ABCB7: variants seen among roughly 807,000 people sequenced by gnomAD.
ABCB7 encodes the protein iron-sulfur clusters transporter ABCB7, mitochondrial.
ABCB7 carries 7 observed loss-of-function variants against 54.4 expected under a neutral mutation model. That is an observed-to-expected ratio of 0.13 (90% CI 0.07 to 0.24). ABCB7 has a LOEUF of 0.24. Among genes scored for constraint, ABCB7 ranks in the 10% least tolerant of loss-of-function variants. The pLI is 1.00. For missense variants in ABCB7, 356 were observed against 570.4 expected (o/e 0.62, Z 3.83); for synonymous variants, 218 against 207.1 (o/e 1.05, Z -0.45).
chrX:75,060,440 T>G (rs1407950971), intron 14 of ABCB7, 110 bp from the exon 15 acceptor site: 3 of 559,523 alleles, frequency 5.4e-6, no homozygotes, highest in Non-Finnish European at 8.7e-6. Context: ...AAAATGCCAG[T>G]TTTTTTTTAG....
intron 1 of ABCB7, among the ~76,000 whole-genome samples, chrX:75,129,287 T>C (rs1174948102): frequency 2.7e-5 from 3 of 111,315 alleles, no homozygotes; most frequent in African/African-American, 9.8e-5. Flanking sequence ...TGAGTTAATG[T>C]CCTTTGCAGG....
At chrX:75,109,025 T>C (rs1351314217) in intron 3 of ABCB7, among the ~76,000 whole-genome samples, 2 of 111,719 alleles carry the variant, frequency 1.8e-5, no homozygotes, top group African/African-American at 3.3e-5. Context: ...TACAATGAAA[T>C]AGCACAATCA....
chrX:75,052,787 A>AC lies in ABCB7; in HGVS notation c.*582_*583insG, dbSNP rs2081205131. The AC allele has an allele frequency of 1.0e-5, 1 of 97,178 alleles. No homozygotes were observed. Among genetic ancestry groups the AC allele is most frequent in the Non-Finnish European group, 1.9e-5 (1 of 52,763 alleles). The allele number at this position is 97,178 out of a possible 1,213,427, so 8.0% of individuals were successfully genotyped here. On this transcript the variant is annotated 3_prime_UTR_variant, in exon 16 of 16. Coordinates refer to ENST00000373394, the MANE Select transcript of ABCB7 (RefSeq NM_001271696.3). ...AATGAGAATCTGTCTCAAAAAAAAA[A>AC]AACAACAAAAAACAAAAAACAACAA...
intron 1 of ABCB7, among the ~76,000 whole-genome samples, chrX:75,148,256 T>C (rs2082106544): frequency 8.9e-6 from 1 of 112,306 alleles, no homozygotes; most frequent in Non-Finnish European, 1.9e-5. Context: ...AGTTCATCAA[T>C]TGAAAAGCTT....
intron 15 of ABCB7, among the ~76,000 whole-genome samples, chrX:75,055,983 A>G (rs185636038): frequency 1.7e-4 from 19 of 110,827 alleles, no homozygotes; most frequent in Non-Finnish European, 3.2e-4. Context: ...CACCATGCCC[A>G]GCCCAAGTTA....
chrX:75,069,252 C>A, intron 11 of ABCB7, 39 bp downstream of exon 11: 2 of 1,202,365 alleles, frequency 1.7e-6, no homozygotes, highest in Non-Finnish European at 2.3e-6. Flanking sequence ...GAATCATCAG[C>A]CTATAATACA....
At chrX:75,115,636 G>A (rs1475768047) in intron 1 of ABCB7, among the ~76,000 whole-genome samples, 1 of 108,206 alleles carries the variant, frequency 9.2e-6, no homozygotes, top group Admixed American at 1.0e-4. Context: ...TTTGACAAAC[G>A]ATTCTATGTA....
intron 5 of ABCB7, among the ~76,000 whole-genome samples, chrX:75,076,302 G>A (rs2081408555): frequency 8.9e-6 from 1 of 112,169 alleles, no homozygotes; most frequent in Non-Finnish European, 1.9e-5. Context: ...TTATATTATT[G>A]TTTTCTAGAA....
chrX:75,129,099 T>C (rs1347613594), intron 1 of ABCB7, among the ~76,000 whole-genome samples: 1 of 111,904 alleles, frequency 8.9e-6, no homozygotes, highest in Non-Finnish European at 1.9e-5. Context: ...TTACTGAGTA[T>C]ATACCCAAAG....
At chrX:75,115,410 C>CTTTTTTTTTTTTTTTTT (rs747398607) in intron 1 of ABCB7, among the ~76,000 whole-genome samples, 7 of 30,186 alleles carry the variant, frequency 2.3e-4, no homozygotes, top group African/African-American at 5.4e-4. Context: ...TGTCTCTTTT[C>CTTTTTTTTTTTTTTTTT]TTTTTTTTTT....
intron 4 of ABCB7, among the ~76,000 whole-genome samples, chrX:75,090,771 A>G (rs1354007486): frequency 9.0e-6 from 1 of 111,232 alleles, no homozygotes; most frequent in African/African-American, 3.2e-5. Context: ...CAAACTACTA[A>G]CATCAGAAAT....
intron 4 of ABCB7, among the ~76,000 whole-genome samples, chrX:75,079,794 C>T (rs2081440928): frequency 9.0e-6 from 1 of 111,599 alleles, no homozygotes; most frequent in Non-Finnish European, 1.9e-5. Context: ...ACCAGCACCA[C>T]AATCAACATA....
At chrX:75,059,426 G>A (rs12389974) in intron 15 of ABCB7, among the ~76,000 whole-genome samples, 3,107 of 107,854 alleles carry the variant, frequency 0.029, 118 homozygotes, top group African/African-American at 0.1. Context: ...AGCCGAGATC[G>A]CGCCACTGTA....
At chrX:75,148,319 G>A (rs749412248) in intron 1 of ABCB7, among the ~76,000 whole-genome samples, 2 of 110,576 alleles carry the variant, frequency 1.8e-5, no homozygotes, top group East Asian at 5.7e-4. Flanking sequence ...ATCAAACTAT[G>A]TCTGTGTATC....
chrX:75,116,117 A>G (rs1349254549), intron 1 of ABCB7, among the ~76,000 whole-genome samples: 4 of 111,607 alleles, frequency 3.6e-5, no homozygotes, highest in African/African-American at 1.3e-4. Flanking sequence ...AAAGCCTGAC[A>G]CCTTTTAAGG....
intron 2 of ABCB7, among the ~76,000 whole-genome samples, chrX:75,113,588 C>T (rs190150013): frequency 1.8e-5 from 2 of 111,635 alleles, no homozygotes; most frequent in Admixed American, 9.5e-5. Flanking sequence ...TTGTATCTCC[C>T]ATGGAACATA....
At chrX:75,106,020 C>T (rs768848077) in intron 3 of ABCB7, among the ~76,000 whole-genome samples, 1 of 111,231 alleles carries the variant, frequency 9.0e-6, no homozygotes, top group Non-Finnish European at 1.9e-5. Context: ...TAGAAGAAAA[C>T]CTAGAAAAAA....
intron 1 of ABCB7, among the ~76,000 whole-genome samples, chrX:75,129,420 G>A (rs1433143011): frequency 9.1e-6 from 1 of 109,475 alleles, no homozygotes; most frequent in East Asian, 2.9e-4. Context: ...CACGGGGAGG[G>A]GAACATCTCA....
In ABCB7 at chrX:75,053,106, G is replaced by T; in HGVS notation, c.*264C>A. On this transcript the variant is annotated 3_prime_UTR_variant, in exon 16 of 16. Coordinates refer to ENST00000373394, the MANE Select transcript of ABCB7 (RefSeq NM_001271696.3). ...TCAAATGAATGTCAGGCCTCAAGAG[G>T]GTAATGTGGTAATATCAAACAGGTA... is the stretch of plus-strand genomic sequence containing the variant. 1 of 368,064 alleles carries T rather than the reference G, an allele frequency of 2.7e-6. No homozygotes were observed. Among genetic ancestry groups the T allele is most frequent in the East Asian group, 4.9e-5 (1 of 20,428 alleles). The allele number at this position is 368,064 out of a possible 1,213,427, so 30.3% of individuals were successfully genotyped here. A position where few individuals can be genotyped will look rare whatever the true frequency, so the allele number is the denominator to read the frequency against.
Sources: gnomAD v4.1 joint callset for allele counts (sites outside exome capture counted in the v4.1 genomes callset) on GRCh38, gnomAD v4.1.1 for gene constraint, MANE v1.5 for transcripts, NCBI Gene and HGNC (gene_info 2026-07-23, HGNC 2026-07-21) for gene names.